Variants in DMD observed in about 807,000 individuals in gnomAD.
DMD encodes dystrophin, also known as mutant dystrophin.
A neutral mutation model predicts 330.1 loss-of-function variants in DMD; 63 were observed. The observed-to-expected ratio is 0.19, with a 90% CI of 0.16 to 0.24. DMD has a LOEUF of 0.24. DMD is among the 10% of genes least tolerant of loss of function. The pLI is 1.00. For missense variants in DMD, 3,344 were observed against 2,684.1 expected, an observed-to-expected ratio of 1.25 and a Z score of -5.43; for synonymous variants, 1,223 against 959.8, an observed-to-expected ratio of 1.27 and a Z score of -5.07.
At chrX:32,567,287 T>G (rs1267005711) in intron 15 of DMD, among the ~76,000 whole-genome samples, 1 of 112,631 alleles carries the variant, frequency 8.9e-6, no homozygotes, top group Non-Finnish European at 1.9e-5. Context: ...AAGTTCAGTA[T>G]TTTTCTAAGT....
At chrX:31,527,281 T>C (rs2073318387) in intron 55 of DMD, among the ~76,000 whole-genome samples, 1 of 111,949 alleles carries the variant, frequency 8.9e-6, no homozygotes, top group South Asian at 3.7e-4. Context: ...TGGTTAATAC[T>C]GTGAACTGGC....
intron 60 of DMD, among the ~76,000 whole-genome samples, chrX:31,428,257 A>G (rs771582200): frequency 1.9e-4 from 21 of 111,053 alleles, no homozygotes; most frequent in African/African-American, 6.9e-4. Flanking sequence ...GTGAGTTCTC[A>G]CTCAGAGTGA....
At chrX:33,267,959 C>A (rs980049024) in intron 1 of DMD, among the ~76,000 whole-genome samples, 1 of 109,522 alleles carries the variant, frequency 9.1e-6, no homozygotes, top group Non-Finnish European at 1.9e-5. Flanking sequence ...AGAAACAAAC[C>A]TAGGAAATGT....
At chrX:33,337,211 A>G (rs1441556975) in intron 1 of DMD, among the ~76,000 whole-genome samples, 1 of 111,870 alleles carries the variant, frequency 8.9e-6, no homozygotes, top group African/African-American at 3.2e-5. Context: ...CATTTTTTCG[A>G]AGGAGACAAT....
chrX:33,066,398 G>A (rs1221562139), intron 1 of DMD, among the ~76,000 whole-genome samples: 1 of 92,529 alleles, frequency 1.1e-5, no homozygotes. Context: ...GCAGTGAGAC[G>A]AGATCACACC....
chrX:31,547,629 G>A (rs1380632456), intron 55 of DMD, among the ~76,000 whole-genome samples: 1 of 111,767 alleles, frequency 8.9e-6, no homozygotes, highest in East Asian at 2.8e-4. Flanking sequence ...ACATTTGTGA[G>A]CAGTAAGCAT....
chrX:32,722,976 G>C (rs1379337233), intron 7 of DMD, among the ~76,000 whole-genome samples: 1 of 110,812 alleles, frequency 9.0e-6, no homozygotes, highest in African/African-American at 3.3e-5. Flanking sequence ...AATGGAAGTG[G>C]TAAGAGTGGG....
At chrX:32,772,889 A>T (rs770490528) in intron 7 of DMD, among the ~76,000 whole-genome samples, 1 of 110,266 alleles carries the variant, frequency 9.1e-6, no homozygotes, top group East Asian at 2.8e-4. Flanking sequence ...GCTCAAGTAG[A>T]TTTACAGAAA....
chrX:32,327,195 CAA>C (rs1180767804), intron 41 of DMD, among the ~76,000 whole-genome samples: 3 of 24,974 alleles, frequency 1.2e-4, no homozygotes, highest in Admixed American at 7.0e-4. Context: ...ACTAGGGGCA[CAA>C]AAAAAAAAAG....
intron 60 of DMD, among the ~76,000 whole-genome samples, chrX:31,359,450 C>T (rs867739642): frequency 9.0e-6 from 1 of 111,592 alleles, no homozygotes; most frequent in Non-Finnish European, 1.9e-5. Flanking sequence ...AGTTGGAGTC[C>T]CTTACTAGCT....
In DMD at chrX:31,552,420, G is replaced by A. The variant is rs189069626; in HGVS notation, c.8218-44967C>T. Among the ~76,000 whole-genome samples the A allele has an allele frequency of 1.8e-3, 201 of 111,486 alleles. 1 individual carries two copies. The highest frequency in any genetic ancestry group is 5.7e-3 in the African/African-American group (174 of 30,680). On this transcript the variant is annotated intron_variant, in intron 55 of 78. Coordinates refer to ENST00000357033, the MANE Select transcript of DMD (RefSeq NM_004006.3). The stretch of plus-strand genomic sequence containing the variant: ...TTTCCTGGGCTCAAGAGATCCTCCC[G>A]CCTCAGCCTCCCAAAGCACTGGGAT...
chrX:32,205,019 A>T (rs1388830400), intron 44 of DMD, among the ~76,000 whole-genome samples: 204 of 74,475 alleles, frequency 2.7e-3, no homozygotes, highest in Non-Finnish European at 4.8e-3. Flanking sequence ...ATACACACAC[A>T]CACACACACA....
intron 43 of DMD, among the ~76,000 whole-genome samples, chrX:32,282,158 T>A (rs979104938): frequency 1.4e-4 from 16 of 111,702 alleles, no homozygotes; most frequent in African/African-American, 4.9e-4. Context: ...TTTCTAAAAG[T>A]GGGAAACACT....
At position 31,966,096 on chromosome X, in the gene DMD, G is replaced by A. The variant is rs376389184; in HGVS notation, c.6614+2243C>T. ...GCTGTACTTAAAGTCCATTACAAAC[G>A]AAGACTACTGTTGTTAAGTTGAATA... On this transcript the variant is annotated intron_variant, in intron 45 of 78. Transcript: ENST00000357033. 7.2e-5 allele frequency among the ~76,000 whole-genome samples: 8 copies of A among 110,902 alleles called. No homozygotes were observed. In the East Asian group the frequency reaches 1.4e-3, roughly 20 times the overall value.
At chrX:32,930,321 G>A (rs1042160219) in intron 2 of DMD, among the ~76,000 whole-genome samples, 3 of 110,042 alleles carry the variant, frequency 2.7e-5, no homozygotes, top group Non-Finnish European at 3.8e-5. Flanking sequence ...ACTGTATGTC[G>A]GGGACCATCT....
intron 43 of DMD, among the ~76,000 whole-genome samples, chrX:32,279,887 G>A (rs991147737): frequency 9.5e-6 from 1 of 104,999 alleles, no homozygotes; most frequent in Non-Finnish European, 2.0e-5. Flanking sequence ...CATGATACTT[G>A]CATGCCTATA....
At chrX:31,713,369 C>T (rs955535883) in intron 52 of DMD, among the ~76,000 whole-genome samples, 6 of 111,674 alleles carry the variant, frequency 5.4e-5, no homozygotes, top group African/African-American at 2.0e-4. Flanking sequence ...AGACACAGTC[C>T]CTGCTCTCAT....
At chrX:32,257,287 G>T (rs1041786696) in intron 43 of DMD, among the ~76,000 whole-genome samples, 1 of 112,057 alleles carries the variant, frequency 8.9e-6, no homozygotes, top group African/African-American at 3.2e-5. Flanking sequence ...GGCTACCACT[G>T]ACTTTCTTTA....
rs1357788508 is a variant in DMD, at chrX:32,181,840, CT to C, written c.6438+35075del. Among the ~76,000 whole-genome samples, 6 of 111,953 alleles carry C rather than the reference CT, an allele frequency of 5.4e-5. No individual in the cohort carries two copies. In the Middle Eastern group the frequency reaches 0.014, roughly 258 times the overall value. ...GAATGATAGCTTAGATTCCTCTCTG[CT>C]GCAGTAAGCTATATCCCCCACTTGA... On this transcript the variant is annotated intron_variant, in intron 44 of 78. Transcript: ENST00000357033.
Sources: gnomAD v4.1 joint callset for allele counts (sites outside exome capture counted in the v4.1 genomes callset) on GRCh38, gnomAD v4.1.1 for gene constraint, MANE v1.5 for transcripts, NCBI Gene and HGNC (gene_info 2026-07-23, HGNC 2026-07-21) for gene names.